Variants in HELZ observed in about 807,000 individuals in gnomAD.
HELZ encodes the protein helicase with zinc finger.
HELZ carries 23 observed loss-of-function variants against 218.2 expected under a neutral mutation model. The ratio of observed to expected loss-of-function variants is 0.11; its 90% CI spans 0.08 to 0.15. The LOEUF (loss-of-function observed/expected upper bound fraction) is 0.15. Among genes scored for constraint, HELZ ranks in the 10% least tolerant of loss-of-function variants. The pLI, the probability that HELZ is intolerant of heterozygous loss-of-function variation, is 1.00. For missense variants in HELZ, 1,813 were observed against 2,353.7 expected (o/e 0.77, Z 4.75); for synonymous variants, 814 against 829.4 (o/e 0.98, Z 0.32).
At chr17:67,087,289 A>G (rs2036423324) in intron 31 of HELZ, among the ~76,000 whole-genome samples, 1 of 152,162 alleles carries the variant, frequency 6.6e-6, no homozygotes, top group Non-Finnish European at 1.5e-5. Flanking sequence ...GTGTCAGAAG[A>G]CCTGGGCTCA....
chr17:67,082,712 G>A (rs1432442046), intron 32 of HELZ, among the ~76,000 whole-genome samples: 1 of 151,930 alleles, frequency 6.6e-6, no homozygotes, highest in Non-Finnish European at 1.5e-5. Flanking sequence ...TTCAATATAA[G>A]TGTTTTTTGC....
chr17:67,108,795 C>A lies in HELZ; in HGVS notation c.4490-69G>T, dbSNP rs2037188514. On this transcript the variant is annotated intron_variant, in intron 29 of 32. Transcript: ENST00000358691. The surrounding 1 kb of genome is among the most constrained non-coding windows in gnomAD (Gnocchi z 4.1). Reference sequence around the variant, plus strand: ...CAAGTTCATTATTTAAAGTTTTTTACTAACATATTTTCTCCACAAAGACAA... The same window carrying A: ...CAAGTTCATTATTTAAAGTTTTTTAATAACATATTTTCTCCACAAAGACAA... 1 of 1,197,662 alleles carries A rather than the reference C, an allele frequency of 8.3e-7. No individual in the cohort carries two copies. The highest frequency in any genetic ancestry group is 1.2e-6 in the Non-Finnish European group (1 of 857,086). The allele number at this position is 1,197,662 out of a possible 1,614,324, so 74.2% of individuals were successfully genotyped here.
Position 67,145,856 on chromosome 17 carries a change from T to G in HELZ, c.2656A>C (p.Met886Leu). Residue 886 changes from methionine (M) to leucine (L), a missense_variant, in exon 21 of 33, where the codon ATG becomes CTG. Physicochemically the swap from Met to Leu is conservative, Grantham distance 15 (BLOSUM62 2). Coordinates refer to ENST00000358691, the MANE Select transcript of HELZ (RefSeq NM_014877.4). ...TSELFYEGKL[M>L]ASGKQPAHKD... ...TGTGCTGGCTGCTTCCCACTGGCCA[T>G]CAGTTTGCCCTCATAGAAAAGCTCA... is the stretch of plus-strand genomic sequence containing the variant. The G allele has an allele frequency of 6.2e-7, 1 of 1,613,576 alleles. No homozygotes were observed. Among genetic ancestry groups the G allele is most frequent in the Non-Finnish European group, 8.5e-7 (1 of 1,179,820 alleles).
In HELZ at chr17:67,077,085, T is replaced by G. The variant is rs925226190; in HGVS notation, c.*1167A>C. ...AATTTTATATTGTGTACAAGTTCAA[T>G]AAGGGGTATTTTAGAAGAATTGAAA... On this transcript the variant is annotated 3_prime_UTR_variant, in exon 33 of 33. Coordinates refer to ENST00000358691, the MANE Select transcript of HELZ (RefSeq NM_014877.4). 16 of 152,316 alleles carry G rather than the reference T, an allele frequency of 1.1e-4. No individual in the cohort carries two copies. Among genetic ancestry groups the G allele is most frequent in the Non-Finnish European group, 1.8e-4 (12 of 68,032 alleles). The allele number at this position is 152,316 out of a possible 1,614,324, so 9.4% of individuals were successfully genotyped here.
rs895576625 is a variant in HELZ, at chr17:67,148,631, A to G, written c.2559T>C (p.Pro853=). 1 of 1,613,820 alleles carries G rather than the reference A, an allele frequency of 6.2e-7. No homozygotes were observed. Among genetic ancestry groups the G allele is most frequent in the Non-Finnish European group, 8.5e-7 (1 of 1,179,784 alleles). The change falls in exon 20 of 33, where the codon CCT becomes CCC. Residue 853 remains proline (P), a synonymous_variant. Transcript: ENST00000358691. ...GGAGAATCCTACATGGGAACTCAGC[A>G]GGGTAATGCTCATAGAGTCGGTCAA... ...SLLDRLYEHY[P]AEFPCRILLC...
chr17:67,091,293 T>C (rs1023467501), intron 31 of HELZ, among the ~76,000 whole-genome samples: 5 of 152,000 alleles, frequency 3.3e-5, no homozygotes, highest in Admixed American at 6.6e-5. Flanking sequence ...GCCTCAATGG[T>C]CATCCTGAGG....
Position 67,231,159 on chromosome 17 carries a change from G to A in HELZ, c.-19+8274C>T, listed in dbSNP as rs1462095954. Among the ~76,000 whole-genome samples the A allele has an allele frequency of 5.3e-5, 8 of 151,956 alleles. No homozygotes were observed. In the East Asian group the frequency reaches 9.6e-4, roughly 18 times the overall value. Reference sequence around the variant, plus strand: ...TGTCATGAAAAACAAAGTCTGAGAGGCTATCACAGCCCAAAAAAGACTAAG... The same window carrying A: ...TGTCATGAAAAACAAAGTCTGAGAGACTATCACAGCCCAAAAAAGACTAAG... On this transcript the variant is annotated intron_variant, in intron 3 of 32. Coordinates refer to ENST00000358691, the MANE Select transcript of HELZ (RefSeq NM_014877.4).
At chr17:67,136,749 T>C in intron 22 of HELZ, among the ~76,000 whole-genome samples, 1 of 152,172 alleles carries the variant, frequency 6.6e-6, no homozygotes. Flanking sequence ...AACAGTCAAA[T>C]TCATAGAGAA....
chr17:67,151,173 C>T lies in HELZ; in HGVS notation c.2229G>A (p.Gln743=), dbSNP rs778777116. 1.9e-6 allele frequency: 3 copies of T among 1,613,932 alleles called. No individual in the cohort carries two copies. The South Asian group carries it at 3.3e-5, about 18-fold the overall frequency. The change falls in exon 18 of 33, where the codon CAG becomes CAA. Residue 743 remains glutamine, a synonymous_variant. Coordinates refer to ENST00000358691, the MANE Select transcript of HELZ (RefSeq NM_014877.4). ...WVKTVHPVVH[Q]YCLISSAHST... is the part of the protein sequence containing the mutation. ...AATGTGCGCTTGAGATCAAACAGTA[C>T]TGATGCACAACTGGGTGGACAGTCT...
chr17:67,245,645 A>G (rs1407808172), upstream of HELZ: 2 of 460,446 alleles, frequency 4.3e-6, no homozygotes, highest in Non-Finnish European at 5.7e-6. Context: ...GGTCGCCTTC[A>G]GAGGCCGCGC....
At chr17:67,240,326 T>A (rs1025266678) in intron 2 of HELZ, among the ~76,000 whole-genome samples, 1 of 152,186 alleles carries the variant, frequency 6.6e-6, no homozygotes, top group Admixed American at 6.6e-5. Context: ...AAAAGCTAAA[T>A]GACACCCAGC....
intron 15 of HELZ, 111 bp from the exon 16 acceptor site, chr17:67,161,187 G>T: frequency 1.4e-6 from 1 of 731,436 alleles, no homozygotes; most frequent in South Asian, 2.4e-5. Flanking sequence ...AAATAGCATA[G>T]CATCTATAAA....
At chr17:67,215,075 T>C in intron 5 of HELZ, among the ~76,000 whole-genome samples, 1 of 151,994 alleles carries the variant, frequency 6.6e-6, no homozygotes, top group Non-Finnish European at 1.5e-5. Context: ...GCCTGGAAGG[T>C]AGAGGCTGCA....
At chr17:67,196,438 C>T (rs971326704) in intron 7 of HELZ, among the ~76,000 whole-genome samples, 4 of 152,232 alleles carry the variant, frequency 2.6e-5, no homozygotes, top group Admixed American at 1.3e-4. Flanking sequence ...GCGATATACA[C>T]ATCTGCTGTC....
chr17:67,207,742 G>C (rs1220210732), intron 5 of HELZ, among the ~76,000 whole-genome samples: 1 of 151,992 alleles, frequency 6.6e-6, no homozygotes, highest in Non-Finnish European at 1.5e-5. Context: ...GAAAATAAAG[G>C]CCGAGCCTAT....
chr17:67,128,973 T>C (rs143171441), intron 23 of HELZ, 118 bp from the exon 24 acceptor site: 49 of 739,362 alleles, frequency 6.6e-5, no homozygotes, highest in African/African-American at 6.3e-4. Flanking sequence ...TTAAACCCAA[T>C]AGTCATCTAT....
At chr17:67,153,091 G>A (rs1451436689) in intron 17 of HELZ, among the ~76,000 whole-genome samples, 1 of 152,126 alleles carries the variant, frequency 6.6e-6, no homozygotes, top group African/African-American at 2.4e-5. Context: ...GAAAGAAAGA[G>A]AAGAGAGGAG....
intron 7 of HELZ, among the ~76,000 whole-genome samples, chr17:67,199,703 C>A (rs2040121483): frequency 6.6e-6 from 1 of 151,996 alleles, no homozygotes; most frequent in Non-Finnish European, 1.5e-5. Flanking sequence ...TTATTTTTTC[C>A]AGCTTGTATA....
chr17:67,107,831 T>C (rs2037155059), intron 30 of HELZ, 146 bp from the exon 31 acceptor site: 2 of 688,048 alleles, frequency 2.9e-6, no homozygotes, highest in Admixed American at 2.9e-5. Context: ...GATGTAAGCA[T>C]TAACACTCAA....
Sources: allele counts gnomAD v4.1 joint callset (sites outside exome capture counted in the v4.1 genomes callset), GRCh38; gene constraint gnomAD v4.1.1; non-coding constraint Gnocchi (gnomAD v3.1); transcripts MANE v1.5; gene names NCBI Gene and HGNC (gene_info 2026-07-23, HGNC 2026-07-21).